RBM6: variants seen among roughly 807,000 people sequenced by gnomAD.
The protein encoded by RBM6 is RNA-binding protein 6.
A neutral mutation model predicts 140.4 loss-of-function variants in RBM6; 23 were observed. The ratio of observed to expected loss-of-function variants is 0.16; its 90% CI spans 0.12 to 0.23. The LOEUF (loss-of-function observed/expected upper bound fraction) is 0.23, where lower values mean the gene tolerates loss of function less well. Among genes scored for constraint, RBM6 ranks in the 10% least tolerant of loss-of-function variants. The pLI, the probability that RBM6 is intolerant of heterozygous loss-of-function variation, is 1.00. For missense variants in RBM6, 1,139 were observed against 1,386.7 expected (o/e 0.82, Z 2.84); for synonymous variants, 439 against 475.6 (o/e 0.92, Z 1.00).
intron 5 of RBM6, among the ~76,000 whole-genome samples, chr3:49,986,618 A>T (rs1172906298): frequency 6.6e-6 from 1 of 151,632 alleles, no homozygotes; most frequent in African/African-American, 2.4e-5. Context: ...AACAAAACAA[A>T]AAAAAACCAA....
chr3:50,026,634 C>CA lies in RBM6; in HGVS notation c.1558-21597dup, dbSNP rs1202838550. 4.0e-3 allele frequency among the ~76,000 whole-genome samples: 443 copies of CA among 110,412 alleles called. 2 individuals carry two copies. Among genetic ancestry groups the CA allele is most frequent in the African/African-American group, 9.0e-3 (264 of 29,384 alleles). 72.4% of individuals were successfully genotyped at this position (110,412 alleles called of 152,430 possible). A position where few individuals can be genotyped will look rare whatever the true frequency, so the allele number is the denominator to read the frequency against. On this transcript the variant is annotated intron_variant, in intron 6 of 20. Transcript: ENST00000266022. ...CACGCCTGGCCAAGACTCTGTCTCT[C>CA]AAAAAAAAAAAAAAGAAAAAAAAAT...
intron 6 of RBM6, among the ~76,000 whole-genome samples, chr3:50,032,708 C>T (rs902103627): frequency 5.3e-5 from 8 of 151,966 alleles, no homozygotes; most frequent in African/African-American, 1.9e-4. Context: ...GACAGGGGGC[C>T]GGGCACGGTG....
At chr3:49,949,460 G>A (rs2083637266) in intron 1 of RBM6, among the ~76,000 whole-genome samples, 1 of 151,674 alleles carries the variant, frequency 6.6e-6, no homozygotes, top group Non-Finnish European at 1.5e-5. Context: ...TGGTGTGATC[G>A]CAGCTCATTG....
At chr3:50,043,607 C>T (rs1257987228) in intron 6 of RBM6, among the ~76,000 whole-genome samples, 2 of 150,936 alleles carry the variant, frequency 1.3e-5, no homozygotes, top group South Asian at 2.1e-4. Context: ...TTATTTGAGT[C>T]GGAATCTGGC....
At chr3:50,047,299 A>AG (rs2089268441) in intron 6 of RBM6, 1 of 985,296 alleles carries the variant, frequency 1.0e-6, no homozygotes, top group African/African-American at 1.7e-5. Flanking sequence ...AACACAGCGC[A>AG]GGGGCTAGTT....
chr3:50,020,958 A>G (rs2087446799), intron 6 of RBM6, among the ~76,000 whole-genome samples: 1 of 152,132 alleles, frequency 6.6e-6, no homozygotes. Context: ...TTTCTTCTTT[A>G]GCTTGTGTGT....
chr3:49,941,640 CAAAAAAAAAAAAAAA>C lies in RBM6; in HGVS notation c.-67+1431_-67+1445del, dbSNP rs1171636981. On this transcript the variant is annotated intron_variant, in intron 1 of 20. Coordinates refer to ENST00000266022, the MANE Select transcript of RBM6 (RefSeq NM_005777.3). Reference sequence around the variant, plus strand: ...GGGCCACAAGAGTGAAACTCTGTCTCAAAAAAAAAAAAAAAAAAAAAAAAAAAAAACCCGCAAAAC... The same window carrying C: ...GGGCCACAAGAGTGAAACTCTGTCTCAAAAAAAAAAAAAAACCCGCAAAAC... 5.5e-3 allele frequency among the ~76,000 whole-genome samples: 322 copies of C among 58,744 alleles called. 3 individuals are homozygous for C. The highest frequency in any genetic ancestry group is 0.022 in the African/African-American group (309 of 13,956). The allele number at this position is 58,744 out of a possible 152,430, so 38.5% of individuals were successfully genotyped here. A position where few individuals can be genotyped will look rare whatever the true frequency, so the allele number is the denominator to read the frequency against.
chr3:50,018,316 AT>A (rs2087277330), intron 6 of RBM6, among the ~76,000 whole-genome samples: 1 of 152,072 alleles, frequency 6.6e-6, no homozygotes, highest in African/African-American at 2.4e-5. Flanking sequence ...TTAGTAGTAC[AT>A]TTCTCTATGT....
At chr3:50,007,815 G>T (rs555069140) in intron 6 of RBM6, among the ~76,000 whole-genome samples, 1 of 152,330 alleles carries the variant, frequency 6.6e-6, no homozygotes, top group South Asian at 2.1e-4. Flanking sequence ...TTACAGGCGT[G>T]AGCCACCTCT....
chr3:50,008,458 A>G (rs534895775), intron 6 of RBM6, among the ~76,000 whole-genome samples: 22 of 149,686 alleles, frequency 1.5e-4, no homozygotes, highest in African/African-American at 5.1e-4. Flanking sequence ...ACTTTGGTTT[A>G]TGACCTTATG....
chr3:50,053,990 A>C (rs560612365), intron 7 of RBM6: 1 of 191,886 alleles, frequency 5.2e-6, no homozygotes, highest in African/African-American at 2.3e-5. Flanking sequence ...TTCAGGCCCA[A>C]GTTTTGGGTG....
intron 1 of RBM6, among the ~76,000 whole-genome samples, chr3:49,946,177 T>A (rs2083476906): frequency 6.6e-6 from 1 of 151,986 alleles, no homozygotes; most frequent in Admixed American, 6.6e-5. Context: ...TAGCATACTG[T>A]GTAATATAGG....
chr3:49,955,156 C>CTTTTT (rs1575535401), intron 1 of RBM6, among the ~76,000 whole-genome samples: 4 of 70,156 alleles, frequency 5.7e-5, no homozygotes, highest in South Asian at 9.3e-4. Context: ...ATTTTTTTTT[C>CTTTTT]TTTCTTTTTT....
intron 7 of RBM6, among the ~76,000 whole-genome samples, chr3:50,049,601 G>A (rs2089379939): frequency 6.6e-6 from 1 of 152,040 alleles, no homozygotes; most frequent in Admixed American, 6.6e-5. Context: ...AGTCTCGGTA[G>A]AATTGACATT....
intron 2 of RBM6, among the ~76,000 whole-genome samples, chr3:49,963,948 T>G (rs965794088): frequency 2.0e-5 from 3 of 152,190 alleles, no homozygotes; most frequent in Non-Finnish European, 4.4e-5. Context: ...TTGCCCATGC[T>G]GGAGTGCAGG....
At chr3:49,954,701 A>C (rs1311688064) in intron 1 of RBM6, among the ~76,000 whole-genome samples, 1 of 151,148 alleles carries the variant, frequency 6.6e-6, no homozygotes, top group East Asian at 1.9e-4. Context: ...CAGTCCTCTA[A>C]CTTTGTTGTA....
In RBM6 at chr3:50,009,624, A is replaced by G. The variant is rs1334969189; in HGVS notation, c.1557+10111A>G. 7.9e-5 allele frequency among the ~76,000 whole-genome samples: 12 copies of G among 151,864 alleles called. No homozygotes were observed. The East Asian group carries it at 2.3e-3, about 29-fold the overall frequency. On this transcript the variant is annotated intron_variant, in intron 6 of 20. Coordinates refer to ENST00000266022, the MANE Select transcript of RBM6 (RefSeq NM_005777.3). ...CAAGCTGGAGTGCAGCGGCATGATC[A>G]TGGCTCACTGCAGCCTCAACCTCCT...
Position 50,061,088 on chromosome 3 carries a change from G to A in RBM6, c.2272-52G>A, listed in dbSNP as rs2089918782. The A allele has an allele frequency of 1.9e-6, 3 of 1,612,634 alleles. No individual in the cohort carries two copies. In the South Asian group the frequency reaches 3.3e-5, roughly 18 times the overall value. On this transcript the variant is annotated intron_variant, in intron 12 of 20. Coordinates refer to ENST00000266022, the MANE Select transcript of RBM6 (RefSeq NM_005777.3). ...ATTTTCTTTAGTGGGTGACTGTTAA[G>A]GTGAATGACCATTGGATAGTTCTGT...
chr3:49,981,147 A>ACCTCTGCCTCCCAT (rs1384163820), intron 5 of RBM6, among the ~76,000 whole-genome samples: 2 of 151,974 alleles, frequency 1.3e-5, no homozygotes, highest in Non-Finnish European at 2.9e-5. Flanking sequence ...TGATTCGTCC[A>ACCTCTGCCTCCCAT]CCTCTGCCTC....
Sources: gnomAD v4.1 joint callset for allele counts (sites outside exome capture counted in the v4.1 genomes callset) on GRCh38, gnomAD v4.1.1 for gene constraint, MANE v1.5 for transcripts, NCBI Gene and HGNC (gene_info 2026-07-23, HGNC 2026-07-21) for gene names.